The following ZNF354B variants were observed in gnomAD, a reference collection of about 807,000 sequenced individuals.
ZNF354B encodes the protein zinc finger protein 354B.
Under a neutral mutation model 12.9 loss-of-function variants are expected in ZNF354B, and 10 were observed. The observed-to-expected ratio is 0.77, with a 90% CI of 0.48 to 1.31. ZNF354B has a LOEUF of 1.31. ZNF354B is among the 40% of genes most tolerant of loss of function. The pLI is 0.00. For missense variants in ZNF354B, 614 were observed against 711.7 expected (o/e 0.86, Z 1.56); for synonymous variants, 260 against 243.7 (o/e 1.07, Z -0.62).
intron 4 of ZNF354B, among the ~76,000 whole-genome samples, chr5:178,870,193 C>T (rs1019750737): frequency 1.3e-5 from 2 of 152,120 alleles, no homozygotes; most frequent in African/African-American, 4.8e-5. Flanking sequence ...AAAACCTACC[C>T]TTTGAACAGC....
chr5:178,871,013 A>G (rs1204598164), intron 4 of ZNF354B, among the ~76,000 whole-genome samples: 2 of 152,138 alleles, frequency 1.3e-5, no homozygotes, highest in African/African-American at 2.4e-5. Context: ...TTGCCAGCAA[A>G]GACTCGTACA....
intron 3 of ZNF354B, 23 bp from the exon 4 acceptor site, chr5:178,866,953 T>C (rs781178098): frequency 3.1e-6 from 5 of 1,603,694 alleles, no homozygotes; most frequent in Admixed American, 1.7e-5. Context: ...GAGACTTTTG[T>C]TGTTGTTGTT....
At chr5:178,880,345 G>C (rs1757699757) in intron 4 of ZNF354B, among the ~76,000 whole-genome samples, 1 of 151,294 alleles carries the variant, frequency 6.6e-6, no homozygotes, top group Non-Finnish European at 1.5e-5. Context: ...GAGTGTAGGG[G>C]CACGCCACCA....
At chr5:178,870,537 C>CGA (rs1757546254) in intron 4 of ZNF354B, among the ~76,000 whole-genome samples, 1 of 152,236 alleles carries the variant, frequency 6.6e-6, no homozygotes, top group Non-Finnish European at 1.5e-5. Flanking sequence ...CCCTCAGCCT[C>CGA]CCAAAAGGCT....
At chr5:178,867,702 C>G (rs1172034140) in intron 4 of ZNF354B, among the ~76,000 whole-genome samples, 1 of 152,086 alleles carries the variant, frequency 6.6e-6, no homozygotes, top group Non-Finnish European at 1.5e-5. Flanking sequence ...TGTTGGGACG[C>G]CACCATTTAT....
intron 2 of ZNF354B, among the ~76,000 whole-genome samples, chr5:178,862,639 A>T (rs528399473): frequency 3.5e-4 from 54 of 152,300 alleles, no homozygotes; most frequent in Non-Finnish European, 6.2e-4. Context: ...GAGTGCTGGG[A>T]TTAAAGGTGT....
intron 4 of ZNF354B, among the ~76,000 whole-genome samples, chr5:178,880,489 C>T (rs1337492485): frequency 1.3e-5 from 2 of 150,948 alleles, no homozygotes; most frequent in South Asian, 2.1e-4. Flanking sequence ...TGAGCCACTG[C>T]ACCCGGCCTC....
chr5:178,871,867 T>A (rs1757568480), intron 4 of ZNF354B, among the ~76,000 whole-genome samples: 1 of 152,220 alleles, frequency 6.6e-6, no homozygotes, highest in Non-Finnish European at 1.5e-5. Flanking sequence ...GAGGATGGTA[T>A]GAGTTTGATA....
Position 178,884,886 on chromosome 5 carries a change from A to G in ZNF354B, c.*595A>G, listed in dbSNP as rs1757779224. The G allele has an allele frequency of 1.3e-5, 2 of 152,176 alleles. No individual in the cohort carries two copies. Among genetic ancestry groups the G allele is most frequent in the African/African-American group, 4.8e-5 (2 of 41,430 alleles). 9.4% of individuals were successfully genotyped at this position (152,176 alleles called of 1,614,324 possible). On this transcript the variant is annotated 3_prime_UTR_variant, in exon 5 of 5. Transcript: ENST00000322434. The stretch of plus-strand genomic sequence containing the variant: ...ACATTCGCACTTTCTCCTGAAATAT[A>G]TATATATATGCAGTATTAGAGCAAA...
At chr5:178,881,565 G>C (rs1164055692) in intron 4 of ZNF354B, among the ~76,000 whole-genome samples, 1 of 152,072 alleles carries the variant, frequency 6.6e-6, no homozygotes, top group East Asian at 1.9e-4. Context: ...CATATTACTT[G>C]TAAATTTACT....
At chr5:178,863,930 A>G (rs1173332913) in intron 2 of ZNF354B, among the ~76,000 whole-genome samples, 1 of 152,260 alleles carries the variant, frequency 6.6e-6, no homozygotes, top group Non-Finnish European at 1.5e-5. Context: ...GATATAAAGA[A>G]AGAAAATATT....
Position 178,884,945 on chromosome 5 carries a change from C to T in ZNF354B, c.*654C>T, listed in dbSNP as rs1450846097. On this transcript the variant is annotated 3_prime_UTR_variant, in exon 5 of 5. Transcript: ENST00000322434. Reference sequence around the variant, plus strand: ...AAGAGATAAAAACTAACTGAACTACCTCTTAGTGCCTGGAATTTACCTTTT... The same window carrying T: ...AAGAGATAAAAACTAACTGAACTACTTCTTAGTGCCTGGAATTTACCTTTT... 1.3e-5 allele frequency: 2 copies of T among 152,122 alleles called. No homozygotes were observed. The highest frequency in any genetic ancestry group is 4.8e-5 in the African/African-American group (2 of 41,440). The allele number at this position is 152,122 out of a possible 1,614,324, so 9.4% of individuals were successfully genotyped here.
chr5:178,864,311 A>C (rs1487810661), intron 2 of ZNF354B, among the ~76,000 whole-genome samples: 1 of 152,184 alleles, frequency 6.6e-6, no homozygotes, highest in African/African-American at 2.4e-5. Flanking sequence ...ATTGTCTTAC[A>C]GTTCTCTACA....
At chr5:178,861,490 C>T (rs1757347569) in intron 2 of ZNF354B, among the ~76,000 whole-genome samples, 2 of 152,198 alleles carry the variant, frequency 1.3e-5, no homozygotes, top group African/African-American at 4.8e-5. Flanking sequence ...TTCTCCAACG[C>T]ATCGTTGTTA....
intron 4 of ZNF354B, among the ~76,000 whole-genome samples, chr5:178,875,652 C>T (rs1338500708): frequency 6.6e-6 from 1 of 152,156 alleles, no homozygotes. Context: ...AATCTTCAGC[C>T]GAGGGGCGAG....
At chr5:178,869,737 T>A (rs1238325436) in intron 4 of ZNF354B, among the ~76,000 whole-genome samples, 1 of 151,892 alleles carries the variant, frequency 6.6e-6, no homozygotes, top group East Asian at 1.9e-4. Flanking sequence ...CCTGAGCAGT[T>A]GATTGAGTAA....
intron 4 of ZNF354B, among the ~76,000 whole-genome samples, chr5:178,867,418 A>G (rs1224523373): frequency 6.6e-6 from 1 of 152,228 alleles, no homozygotes; most frequent in Non-Finnish European, 1.5e-5. Context: ...AATAGCCTAG[A>G]AAGCTAGGGA....
chr5:178,882,996 G>GA lies in ZNF354B; in HGVS notation c.550dup (p.Thr184AsnfsTer6). The GA allele has an allele frequency of 1.2e-6, 2 of 1,606,932 alleles. No individual in the cohort carries two copies. Among genetic ancestry groups the GA allele is most frequent in the Non-Finnish European group, 1.7e-6 (2 of 1,178,334 alleles). ...CATTAAGCAACAGAGATTTGCTAAA[G>GA]AAAAAACTCCATCAAAATGTGAAAT... On this transcript the variant is annotated frameshift_variant, in exon 5 of 5. Transcript: ENST00000322434. LOFTEE classifies it low-confidence loss of function (END_TRUNC).
chr5:178,866,878 T>C, intron 3 of ZNF354B, 98 bp from the exon 4 acceptor site: 1 of 1,142,890 alleles, frequency 8.7e-7, no homozygotes, highest in Non-Finnish European at 1.3e-6. Context: ...GCAACATTCC[T>C]TCTGTAGAAA....
Sources: allele counts gnomAD v4.1 joint callset (sites outside exome capture counted in the v4.1 genomes callset), GRCh38; gene constraint gnomAD v4.1.1; transcripts MANE v1.5; gene names NCBI Gene and HGNC (gene_info 2026-07-23, HGNC 2026-07-21).